The following CSMD1 variants were observed in gnomAD, a reference collection of about 807,000 sequenced individuals.
The protein encoded by CSMD1 is CUB and Sushi multiple domains 1, also known as CUB and sushi domain-containing protein 1.
CSMD1 carries 213 observed loss-of-function variants against 417.5 expected under a neutral mutation model. The ratio of observed to expected loss-of-function variants is 0.51; its 90% confidence interval spans 0.46 to 0.57. CSMD1 has a LOEUF of 0.57. CSMD1 is among the 20% of genes least tolerant of loss of function. The pLI, the probability that CSMD1 is intolerant of heterozygous loss-of-function variation, is 0.00. For synonymous variants in CSMD1, 2,862 were observed against 1,736.8 expected, an observed-to-expected ratio of 1.65 and a Z score of -16.11; for missense variants, 6,923 against 4,529.7, an observed-to-expected ratio of 1.53 and a Z score of -15.17.
chr8:4,263,993 T>C (rs1363029719), intron 3 of CSMD1, among the ~76,000 whole-genome samples: 1 of 152,164 alleles, frequency 6.6e-6, no homozygotes, highest in African/African-American at 2.4e-5. Flanking sequence ...ACAACATGTC[T>C]TAGAAGTAAA....
intron 1 of CSMD1, among the ~76,000 whole-genome samples, chr8:4,912,851 C>T (rs1057241966): frequency 7.2e-5 from 11 of 151,884 alleles, no homozygotes; most frequent in African/African-American, 2.4e-4. Context: ...AGTGGTGCAA[C>T]CTTGGCTTAC....
chr8:4,017,015 C>G (rs998964336), intron 4 of CSMD1, among the ~76,000 whole-genome samples: 5 of 152,146 alleles, frequency 3.3e-5, no homozygotes, highest in Middle Eastern at 3.2e-3. Context: ...AGAAGACTTT[C>G]AGAAGGAAGA....
chr8:4,218,848 C>T (rs903690632), intron 3 of CSMD1, among the ~76,000 whole-genome samples: 1 of 152,156 alleles, frequency 6.6e-6, no homozygotes, highest in Non-Finnish European at 1.5e-5. Flanking sequence ...TTCCCCTATA[C>T]TTTTCCTGAG....
rs139969047 is a variant in CSMD1, at chr8:2,968,154, T to C, written c.8924-1408A>G. Among the ~76,000 whole-genome samples the C allele has an allele frequency of 5.1e-4, 77 of 152,306 alleles. No homozygotes were observed. In the Middle Eastern group the frequency reaches 0.031, roughly 61 times the overall value. ...GATAACTATACTATATATCAAAATT[T>C]CATTTTGCAATAATTAAGGGTTGGA... On this transcript the variant is annotated intron_variant, in intron 57 of 69. Transcript: ENST00000635120.
intron 7 of CSMD1, among the ~76,000 whole-genome samples, chr8:3,658,466 G>GTATATATATATA (rs60906631): frequency 1.4e-5 from 2 of 145,698 alleles, no homozygotes; most frequent in East Asian, 2.0e-4. Context: ...TATATATTGT[G>GTATATATATATA]TATATATATA....
chr8:4,814,573 T>A (rs1452253835), intron 1 of CSMD1, among the ~76,000 whole-genome samples: 4 of 152,160 alleles, frequency 2.6e-5, no homozygotes, highest in African/African-American at 9.7e-5. Flanking sequence ...TAATGATTTA[T>A]TCAATGCTTT....
At chr8:4,074,451 G>A (rs998524290) in intron 3 of CSMD1, among the ~76,000 whole-genome samples, 12 of 152,154 alleles carry the variant, frequency 7.9e-5, no homozygotes, top group African/African-American at 2.9e-4. Context: ...TTTCAGAGAA[G>A]CATTTGTCCA....
At chr8:3,915,903 T>C (rs913732530) in intron 5 of CSMD1, among the ~76,000 whole-genome samples, 1 of 150,664 alleles carries the variant, frequency 6.6e-6, no homozygotes, top group Non-Finnish European at 1.5e-5. Flanking sequence ...ATCATATAAA[T>C]TGTGTGAGTT....
At chr8:4,650,794 C>G (rs931353751) in intron 1 of CSMD1, among the ~76,000 whole-genome samples, 2 of 152,040 alleles carry the variant, frequency 1.3e-5, no homozygotes, top group African/African-American at 4.8e-5. Flanking sequence ...AGATTCTATT[C>G]TTCTTTATTT....
chr8:4,727,529 G>A (rs1177027869), intron 1 of CSMD1, among the ~76,000 whole-genome samples: 4 of 152,142 alleles, frequency 2.6e-5, no homozygotes, highest in South Asian at 4.1e-4. Flanking sequence ...CCTTCTGGGT[G>A]TGTTTTGCAA....
At chr8:3,507,956 T>A (rs987455648) in intron 10 of CSMD1, among the ~76,000 whole-genome samples, 1 of 152,204 alleles carries the variant, frequency 6.6e-6, no homozygotes, top group East Asian at 1.9e-4. Context: ...ATTCTGTAGG[T>A]TGCCTGTTCA....
In CSMD1 at chr8:3,095,414, A is replaced by G. The variant is rs184146083; in HGVS notation, c.7138+1435T>C. Among the ~76,000 whole-genome samples, 392 of 152,272 alleles carry G rather than the reference A, an allele frequency of 2.6e-3. 2 individuals carry two copies. The highest frequency in any genetic ancestry group is 9.1e-3 in the African/African-American group (380 of 41,576). Reference sequence around the variant, plus strand: ...TCTCTACTCTACAGACTAAAGAAAAAGTTGTAAATAATGTATGTTTGTTTT... The same window carrying G: ...TCTCTACTCTACAGACTAAAGAAAAGGTTGTAAATAATGTATGTTTGTTTT... On this transcript the variant is annotated intron_variant, in intron 47 of 69. Transcript: ENST00000635120.
At chr8:3,798,638 T>A (rs928920803) in intron 5 of CSMD1, among the ~76,000 whole-genome samples, 6 of 152,104 alleles carry the variant, frequency 3.9e-5, no homozygotes. Context: ...TCATGCTATA[T>A]AAAAAATACA....
At chr8:3,061,907 A>C (rs1328038010) in intron 49 of CSMD1, among the ~76,000 whole-genome samples, 1 of 152,180 alleles carries the variant, frequency 6.6e-6, no homozygotes, top group Non-Finnish European at 1.5e-5. Flanking sequence ...TCTTATGACT[A>C]GTAAACGGCT....
At chr8:3,426,936 C>T (rs1050485689) in intron 12 of CSMD1, among the ~76,000 whole-genome samples, 1 of 152,146 alleles carries the variant, frequency 6.6e-6, no homozygotes, top group Non-Finnish European at 1.5e-5. Context: ...AGGAAACTTA[C>T]AATCGTGGTG....
intron 7 of CSMD1, among the ~76,000 whole-genome samples, chr8:3,683,581 G>T (rs1351732220): frequency 6.6e-6 from 1 of 152,106 alleles, no homozygotes; most frequent in Admixed American, 6.5e-5. Flanking sequence ...TATGTTTAAA[G>T]CACTTTTTTG....
At chr8:3,380,674 G>C (rs920882817) in intron 18 of CSMD1, among the ~76,000 whole-genome samples, 1 of 152,126 alleles carries the variant, frequency 6.6e-6, no homozygotes, top group Non-Finnish European at 1.5e-5. Flanking sequence ...TCACTCATAA[G>C]AGGGAGCTGA....
At chr8:4,775,573 A>C (rs1266959739) in intron 1 of CSMD1, among the ~76,000 whole-genome samples, 1 of 152,250 alleles carries the variant, frequency 6.6e-6, no homozygotes. Context: ...TATGAAAGAC[A>C]GAATAAAAAA....
At chr8:3,678,403 C>T (rs550831083) in intron 7 of CSMD1, among the ~76,000 whole-genome samples, 1 of 152,046 alleles carries the variant, frequency 6.6e-6, no homozygotes, top group African/African-American at 2.4e-5. Flanking sequence ...CAAGTTTGAA[C>T]AGCCGATTCG....
Sources: allele counts gnomAD v4.1 joint callset (sites outside exome capture counted in the v4.1 genomes callset), GRCh38; gene constraint gnomAD v4.1.1; transcripts MANE v1.5; gene names NCBI Gene and HGNC (gene_info 2026-07-23, HGNC 2026-07-21).